LAMC3: variants seen among roughly 807,000 people sequenced by gnomAD.
LAMC3 encodes the protein laminin subunit gamma-3.
In LAMC3, 128 loss-of-function variants were observed where a neutral mutation model predicts 173.8. The ratio of observed to expected loss-of-function variants is 0.74; its 90% CI spans 0.64 to 0.85. LAMC3 has a LOEUF of 0.85. Among genes scored for constraint, LAMC3 ranks in the 40% least tolerant of loss-of-function variants. LAMC3 has a pLI of 0.00. For missense variants in LAMC3, 2,022 were observed against 2,156.0 expected, an observed-to-expected ratio of 0.94 and a Z score of 1.23; for synonymous variants, 897 against 909.1, an observed-to-expected ratio of 0.99 and a Z score of 0.24.
intron 20 of LAMC3, among the ~76,000 whole-genome samples, chr9:131,074,240 G>T (rs991324875): frequency 6.6e-6 from 1 of 151,402 alleles, no homozygotes; most frequent in African/African-American, 2.4e-5. Context: ...GAGCCACCGC[G>T]CCCGGCCAGC....
intron 20 of LAMC3, 22 bp downstream of exon 20, chr9:131,073,343 G>A (rs1257684564): frequency 6.3e-6 from 10 of 1,583,964 alleles, no homozygotes; most frequent in Non-Finnish European, 8.7e-6. Flanking sequence ...GACATGGTGA[G>A]CTTACACCTG....
Position 131,049,106 on chromosome 9 carries a change from G to A in LAMC3, c.1606G>A (p.Asp536Asn). 1 of 1,551,466 alleles carries A rather than the reference G, an allele frequency of 6.4e-7. No individual in the cohort carries two copies. The change falls in exon 9 of 28, where the codon GAC (aspartate) becomes AAC (asparagine). Residue 536 changes from aspartate to asparagine, a missense_variant. Physicochemically the swap from Asp to Asn is conservative, Grantham distance 23. Transcript: ENST00000361069. ...AAATGGGGTCCTCCTGAGCCCAGAA[G>A]ACGAGGAGGAGCTCACAGCACCAGG... Reference protein sequence around the residue: ...SPNGVLLSPEDEEELTAPEKF... With the variant: ...SPNGVLLSPENEEELTAPEKF...
Position 131,049,084 on chromosome 9 carries a change from T to C in LAMC3, c.1584T>C (p.Asn528=). 1 of 1,552,298 alleles carries C rather than the reference T, an allele frequency of 6.4e-7. No homozygotes were observed. Among genetic ancestry groups the C allele is most frequent in the East Asian group, 2.4e-5 (1 of 40,928 alleles). The change falls in exon 9 of 28, where the codon AAT becomes AAC. Residue 528 remains asparagine, a synonymous_variant. Transcript: ENST00000361069. The part of the protein sequence containing the change: ...GSEHPPQWSP[N]GVLLSPEDEE... The stretch of plus-strand genomic sequence containing the variant: ...AGCACCCCCCACAATGGAGCCCAAA[T>C]GGGGTCCTCCTGAGCCCAGAAGACG...
intron 19 of LAMC3, 141 bp downstream of exon 19, chr9:131,072,976 A>G (rs544029929): frequency 1.2e-6 from 1 of 828,730 alleles, no homozygotes; most frequent in Admixed American, 2.0e-5. Flanking sequence ...GGGATCACAC[A>G]GTGCCTCCTC....
chr9:131,030,765 C>T (rs1370012469), intron 2 of LAMC3, among the ~76,000 whole-genome samples: 2 of 152,252 alleles, frequency 1.3e-5, no homozygotes, highest in East Asian at 1.9e-4. Flanking sequence ...CGCCACAGCG[C>T]GTTCAGCTCT....
In LAMC3 at chr9:131,091,719, C is replaced by T. The variant is rs375971925; in HGVS notation, c.4660C>T (p.Arg1554Cys). 104 of 1,612,852 alleles carry T rather than the reference C, an allele frequency of 6.4e-5. No homozygotes were observed. The Admixed American group carries it at 1.5e-3, about 23-fold the overall frequency. ...CTTCGAGAGTGACCTCGCCGAGATC[C>T]GCGCCGACAAACAGAACCTGGAGGC... is the stretch of plus-strand genomic sequence containing the variant. ...QGFESDLAEI[R>C]ADKQNLEAIL... Residue 1554 changes from arginine (R) to cysteine (C), a missense_variant, in exon 28 of 28, where the codon CGC (arginine) becomes TGC (cysteine). Transcript: ENST00000361069.
At chr9:131,028,141 G>A (rs1485235331) in intron 2 of LAMC3, among the ~76,000 whole-genome samples, 9 of 132,076 alleles carry the variant, frequency 6.8e-5, no homozygotes, top group Admixed American at 3.8e-4. Context: ...TCAGCCTCCT[G>A]TCAGATCAGC....
At position 131,068,137 on chromosome 9, in the gene LAMC3, G is replaced by A. The variant is rs769409642; in HGVS notation, c.2653G>A (p.Gly885Ser). 13 of 1,613,170 alleles carry A rather than the reference G, an allele frequency of 8.1e-6. No individual in the cohort carries two copies. Among genetic ancestry groups the A allele is most frequent in the Non-Finnish European group, 1.1e-5 (13 of 1,180,044 alleles). ...GCAGATGCCCTGCGACCCAGTGACA[G>A]GCCAATGCTCCTGCCTGCCTCATGT... Reference protein sequence around the residue: ...SEQMPCDPVTGQCSCLPHVTA... With the variant: ...SEQMPCDPVTSQCSCLPHVTA... Residue 885 changes from glycine (G) to serine (S), a missense_variant, in exon 15 of 28, where the codon GGC becomes AGC. Gly to Ser is a moderately conservative substitution (Grantham distance 56). Coordinates refer to ENST00000361069, the MANE Select transcript of LAMC3 (RefSeq NM_006059.4).
At chr9:131,064,474 T>C (rs891838908) in intron 13 of LAMC3, among the ~76,000 whole-genome samples, 1 of 149,444 alleles carries the variant, frequency 6.7e-6, no homozygotes, top group African/African-American at 2.5e-5. Flanking sequence ...CCATCCTGGC[T>C]AACACGGTGA....
At position 131,052,539 on chromosome 9, in the gene LAMC3, T is replaced by C. The variant is rs1345933955; in HGVS notation, c.1679T>C (p.Leu560Pro). 2 of 1,614,080 alleles carry C rather than the reference T, an allele frequency of 1.2e-6. No homozygotes were observed. The highest frequency in any genetic ancestry group is 1.7e-6 in the Non-Finnish European group (2 of 1,180,014). Residue 560 changes from leucine to proline, a missense_variant, in exon 10 of 28, where the codon CTG becomes CCG. By Grantham distance (98) the Leu-to-Pro change is moderately conservative (BLOSUM62 -3). Coordinates refer to ENST00000361069, the MANE Select transcript of LAMC3 (RefSeq NM_006059.4). Reference sequence around the variant, plus strand: ...TTCAGCTATGGGCAGCCCCTCATACTGACCTTCCGGGTGCCCCCCGGGGAC... The same window carrying C: ...TTCAGCTATGGGCAGCCCCTCATACCGACCTTCCGGGTGCCCCCCGGGGAC... ...QRFSYGQPLI[L>P]TFRVPPGDSP...
At chr9:131,067,277 A>G (rs1455728079) in intron 14 of LAMC3, 72 bp downstream of exon 14, 21 of 1,591,926 alleles carry the variant, frequency 1.3e-5, no homozygotes, top group Non-Finnish European at 1.6e-5. Flanking sequence ...CTCAGGGCCC[A>G]GAAGGGGTGG....
chr9:131,009,992 A>G lies in LAMC3; in HGVS notation c.373+405A>G, dbSNP rs566764182. Among the ~76,000 whole-genome samples the G allele has an allele frequency of 7.9e-5, 12 of 152,094 alleles. No individual in the cohort carries two copies. In the South Asian group the frequency reaches 2.1e-3, roughly 26 times the overall value. ...AACATGGTGAAAACCCGTCTCTACT[A>G]AAAATAGAAAATTTGGCCGGGCGTG... is the stretch of plus-strand genomic sequence containing the variant. On this transcript the variant is annotated intron_variant, in intron 1 of 27. Transcript: ENST00000361069. The surrounding 1 kb of genome is among the most constrained non-coding windows in gnomAD (Gnocchi z 4.3).
At chr9:131,045,685 C>T (rs1469912547) in intron 8 of LAMC3, 25 bp downstream of exon 8, 5 of 1,613,352 alleles carry the variant, frequency 3.1e-6, no homozygotes, top group Non-Finnish European at 4.2e-6. Context: ...CTGCAAACGC[C>T]TCCCAAGGGT....
At chr9:131,032,772 T>G (rs12346998) in intron 3 of LAMC3, among the ~76,000 whole-genome samples, 133,605 of 152,224 alleles carry the variant, frequency 0.88, 58,931 homozygotes, top group African/African-American at 0.97. Context: ...AGGTTCAAGG[T>G]ATTCACCTGT....
Position 131,084,467 on chromosome 9 carries a change from A to G in LAMC3, c.4031-1057A>G, listed in dbSNP as rs145602681. 3.3e-3 allele frequency among the ~76,000 whole-genome samples: 509 copies of G among 152,302 alleles called. 7 individuals carry two copies. In the East Asian group the frequency reaches 0.048, roughly 14 times the overall value. On this transcript the variant is annotated intron_variant, in intron 24 of 27. Transcript: ENST00000361069. ...CTGATCCTCCTGCTTCAGCCTCCAG[A>G]GTAGCTGGGATTACAGGAATGAGCC...
Position 131,068,310 on chromosome 9 carries a change from C to T in LAMC3, c.2747+79C>T. On this transcript the variant is annotated intron_variant, in intron 15 of 27. Coordinates refer to ENST00000361069, the MANE Select transcript of LAMC3 (RefSeq NM_006059.4). ...GCATCGGGCAGCCCCCAGGGAGGGG[C>T]CTGGTTTGGAAGGTGTTGTCCTAGG... The T allele has an allele frequency of 2.0e-6, 3 of 1,480,976 alleles. No individual in the cohort carries two copies. In the South Asian group the frequency reaches 3.6e-5, roughly 18 times the overall value. 91.7% of individuals were successfully genotyped at this position (1,480,976 alleles called of 1,614,324 possible).
rs59291636 is a variant in LAMC3 at position 131,048,047 on chromosome 9, A to ATTTTTTTTTTTT, written c.1520-957_1520-946dup. ...AGGTGTGAGCCACCACACCCAGCTGATTTTTTTTTTTTTTTTTTTTTTTTT... is the reference window on the plus strand; with the variant it reads ...AGGTGTGAGCCACCACACCCAGCTGATTTTTTTTTTTTTTTTTTTTTTTTTTTTTTTTTTTTT... On this transcript the variant is annotated intron_variant, in intron 8 of 27. Transcript: ENST00000361069. 3.7e-5 allele frequency among the ~76,000 whole-genome samples: 2 copies of ATTTTTTTTTTTT among 53,392 alleles called. 1 individual carries two copies. The allele number at this position is 53,392 out of a possible 152,430, so 35.0% of individuals were successfully genotyped here.
At position 131,009,581 on chromosome 9, in the gene LAMC3, C is replaced by G. The variant is rs764374653; in HGVS notation, c.367C>G (p.Arg123Gly). ...QYPTSVNITL[R>G]LGKAYEITYV... ...CCCCACCTCGGTCAACATCACCCTCCGCCTAGGTAAGCGCGGGCTGGGGGC... is the reference window on the plus strand; with the variant it reads ...CCCCACCTCGGTCAACATCACCCTCGGCCTAGGTAAGCGCGGGCTGGGGGC... The change falls in exon 1 of 28, where the codon CGC becomes GGC. Residue 123 changes from arginine (R) to glycine (G), a missense_variant. Physicochemically the swap from Arg to Gly is moderately radical, Grantham distance 125. Transcript: ENST00000361069. This position sits in a 1 kb window ranked among gnomAD's most constrained non-coding sequence, Gnocchi z 4.3. The G allele has an allele frequency of 6.4e-7, 1 of 1,572,202 alleles. No individual in the cohort carries two copies. The highest frequency in any genetic ancestry group is 8.6e-7 in the Non-Finnish European group (1 of 1,160,000).
rs1305319058 is a variant in LAMC3, at chr9:131,029,720, A to G, written c.679-2325A>G. Reference sequence around the variant, plus strand: ...TCTGACCCCCAAGGAAGGGCCTAGGACTTTGGAGGAGAAGGTCGACCTGGC... The same window carrying G: ...TCTGACCCCCAAGGAAGGGCCTAGGGCTTTGGAGGAGAAGGTCGACCTGGC... On this transcript the variant is annotated intron_variant, in intron 2 of 27. Transcript: ENST00000361069. This position sits in a 1 kb window ranked among gnomAD's most constrained non-coding sequence, Gnocchi z 4.6. Among the ~76,000 whole-genome samples, 2 of 152,096 alleles carry G rather than the reference A, an allele frequency of 1.3e-5. No individual in the cohort carries two copies. Among genetic ancestry groups the G allele is most frequent in the African/African-American group, 4.8e-5 (2 of 41,424 alleles).
Sources: gnomAD v4.1 joint callset for allele counts (sites outside exome capture counted in the v4.1 genomes callset) on GRCh38, gnomAD v4.1.1 for gene constraint, Gnocchi (gnomAD v3.1) non-coding constraint, MANE v1.5 for transcripts, NCBI Gene and HGNC (gene_info 2026-07-23, HGNC 2026-07-21) for gene names.